Variants in MOK observed in about 807,000 individuals in gnomAD.
MOK encodes the protein MOK protein kinase.
A neutral mutation model predicts 54.2 loss-of-function variants in MOK; 59 were observed. The observed-to-expected ratio is 1.09, with a 90% CI of 0.88 to 1.35. The LOEUF (loss-of-function observed/expected upper bound fraction) is 1.35. MOK is among the 40% of genes most tolerant of loss of function. MOK has a pLI of 0.00. For missense variants in MOK, 517 were observed against 526.2 expected (o/e 0.98, Z 0.17); for synonymous variants, 210 against 202.7 (o/e 1.04, Z -0.31).
chr14:102,226,511 C>T, downstream of MOK: 1 of 696,114 alleles, frequency 1.4e-6, no homozygotes, highest in Non-Finnish European at 2.6e-6. This position sits in a 1 kb window ranked among gnomAD's most constrained non-coding sequence, Gnocchi z 4.8. Flanking sequence ...GGCAGAGGCC[C>T]CGCCGGGGCC....
intron 1 of MOK, among the ~76,000 whole-genome samples, chr14:102,301,719 C>G (rs1391213601): frequency 1.3e-5 from 2 of 152,058 alleles, no homozygotes; most frequent in Non-Finnish European, 2.9e-5. Context: ...TACAATAATT[C>G]TTAGAGTACA....
intron 7 of MOK, among the ~76,000 whole-genome samples, chr14:102,234,597 C>G (rs1597268970): frequency 6.6e-6 from 1 of 152,102 alleles, no homozygotes; most frequent in African/African-American, 2.4e-5. Context: ...CCTCTACCCC[C>G]CTCCCTTCCA....
At chr14:102,224,374 C>T (rs2064160688), downstream of MOK, 1 of 353,560 alleles carries the variant, frequency 2.8e-6, no homozygotes, top group Non-Finnish European at 5.5e-6. Flanking sequence ...TTGAAACCAG[C>T]TCGTGAGCAT....
intron 1 of MOK, among the ~76,000 whole-genome samples, chr14:102,303,159 CAA>C (rs567829813): frequency 4.6e-5 from 6 of 129,034 alleles, no homozygotes; most frequent in East Asian, 4.4e-4. Flanking sequence ...AGACCCTGTC[CAA>C]AAAAAAAAAG....
At chr14:102,294,837 T>C (rs755725220) in intron 1 of MOK, among the ~76,000 whole-genome samples, 12 of 152,132 alleles carry the variant, frequency 7.9e-5, no homozygotes, top group African/African-American at 1.4e-4. Context: ...TGTGTGCCAA[T>C]GTCCCAGGCT....
intron 2 of MOK, among the ~76,000 whole-genome samples, chr14:102,271,768 A>G (rs2068388066): frequency 6.6e-6 from 1 of 152,214 alleles, no homozygotes; most frequent in Non-Finnish European, 1.5e-5. Context: ...CATGTTGGCC[A>G]GGCTAATCTC....
intron 4 of MOK, among the ~76,000 whole-genome samples, chr14:102,259,232 C>T (rs966897104): frequency 6.6e-6 from 1 of 152,080 alleles, no homozygotes; most frequent in South Asian, 2.1e-4. Flanking sequence ...TTATCTTATT[C>T]TTTAGTCTTT....
downstream of MOK, among the ~76,000 whole-genome samples, chr14:102,221,409 GCTTC>G (rs2063881248): frequency 6.6e-6 from 1 of 152,190 alleles, no homozygotes; most frequent in Admixed American, 6.5e-5. The surrounding 1 kb of genome is among the most constrained non-coding windows in gnomAD (Gnocchi z 4.8). Context: ...TGTGTGAGAG[GCTTC>G]CTTCCTCCAG....
chr14:102,227,045 A>C (rs745401994), downstream of MOK, among the ~76,000 whole-genome samples: 1 of 152,124 alleles, frequency 6.6e-6, no homozygotes, highest in Non-Finnish European at 1.5e-5. Context: ...GAGGGCCCCC[A>C]GCCCCGCTGC....
intron 1 of MOK, among the ~76,000 whole-genome samples, chr14:102,303,114 T>C (rs866354559): frequency 9.9e-5 from 15 of 151,446 alleles, no homozygotes; most frequent in Middle Eastern, 6.8e-3. Flanking sequence ...TGAGCCAAGA[T>C]TGCACCACTG....
At chr14:102,266,545 C>T (rs534347493) in intron 2 of MOK, among the ~76,000 whole-genome samples, 7 of 151,924 alleles carry the variant, frequency 4.6e-5, no homozygotes, top group Admixed American at 2.0e-4. Flanking sequence ...CCACTGTGCC[C>T]GGCCTCTTTC....
chr14:102,250,623 G>A (rs1229726181), intron 7 of MOK, among the ~76,000 whole-genome samples, 189 bp downstream of exon 7: 3 of 152,176 alleles, frequency 2.0e-5, no homozygotes, highest in Non-Finnish European at 2.9e-5. Flanking sequence ...CTCTGGGAAG[G>A]GCAGGCAAGG....
At chr14:102,300,953 C>T (rs79035628) in intron 1 of MOK, among the ~76,000 whole-genome samples, 2,732 of 152,076 alleles carry the variant, frequency 0.018, 92 homozygotes, top group African/African-American at 0.063. Flanking sequence ...AAAAATTAGC[C>T]AGGTGTGGTG....
intron 2 of MOK, among the ~76,000 whole-genome samples, chr14:102,280,113 A>T (rs2069262232): frequency 6.6e-6 from 1 of 151,924 alleles, no homozygotes; most frequent in African/African-American, 2.4e-5. Flanking sequence ...TACCTAACGG[A>T]CATGGTTTCC....
chr14:102,283,132 G>T, intron 2 of MOK: 1 of 161,938 alleles, frequency 6.2e-6, no homozygotes, highest in Admixed American at 6.4e-5. Context: ...TCTCTATCCT[G>T]TTCCATTGGT....
In MOK at chr14:102,281,653, C is replaced by T. The variant is rs756850975; in HGVS notation, c.122+1825G>A. On this transcript the variant is annotated intron_variant, in intron 2 of 11. Coordinates refer to ENST00000361847, the MANE Select transcript of MOK (RefSeq NM_014226.3). Reference sequence around the variant, plus strand: ...AGAGATGGGGTCTTGCTATGTTGCCCAGGCTGATCTTGAACTCCTGTGCTC... The same window carrying T: ...AGAGATGGGGTCTTGCTATGTTGCCTAGGCTGATCTTGAACTCCTGTGCTC... Among the ~76,000 whole-genome samples, 48 of 151,620 alleles carry T rather than the reference C, an allele frequency of 3.2e-4. 1 individual carries two copies. The highest frequency in any genetic ancestry group is 5.3e-4 in the Non-Finnish European group (36 of 67,936).
Position 102,235,717 on chromosome 14 carries a change from C to G in MOK, c.591-1928G>C, listed in dbSNP as rs2065161921. 6.6e-6 allele frequency: 1 copy of G among 152,214 alleles called. No homozygotes were observed. The highest frequency in any genetic ancestry group is 1.5e-5 in the Non-Finnish European group (1 of 68,032). 9.4% of individuals were successfully genotyped at this position (152,214 alleles called of 1,614,324 possible). On this transcript the variant is annotated intron_variant, in intron 7 of 11. Coordinates refer to ENST00000361847, the MANE Select transcript of MOK (RefSeq NM_014226.3). This position sits in a 1 kb window ranked among gnomAD's most constrained non-coding sequence, Gnocchi z 4.4. ...TCTCCAAAAATACACGCGTGTCGAT[C>G]CCGCCTCCCGGGAAGGAACTATTGT...
chr14:102,293,468 G>T (rs1415109440), intron 1 of MOK, among the ~76,000 whole-genome samples: 2 of 152,146 alleles, frequency 1.3e-5, no homozygotes, highest in Admixed American at 1.3e-4. Flanking sequence ...GGAGGCTGAG[G>T]CAGGCGGATC....
chr14:102,270,392 G>A (rs1228916931), intron 2 of MOK, among the ~76,000 whole-genome samples: 8 of 152,164 alleles, frequency 5.3e-5, no homozygotes, highest in Non-Finnish European at 1.2e-4. Flanking sequence ...ACGAGGTCAG[G>A]AGTTCGAGAC....
Sources: allele counts gnomAD v4.1 joint callset (sites outside exome capture counted in the v4.1 genomes callset), GRCh38; gene constraint gnomAD v4.1.1; non-coding constraint Gnocchi (gnomAD v3.1); transcripts MANE v1.5; gene names NCBI Gene and HGNC (gene_info 2026-07-23, HGNC 2026-07-21).